CADPS: variants seen among roughly 807,000 people sequenced by gnomAD.
The protein encoded by CADPS is calcium-dependent secretion activator 1.
A neutral mutation model predicts 167.3 loss-of-function variants in CADPS; 57 were observed. The ratio of observed to expected loss-of-function variants is 0.34; its 90% CI spans 0.28 to 0.42. The LOEUF (loss-of-function observed/expected upper bound fraction) is 0.42, where lower values mean the gene tolerates loss of function less well. Ranked by LOEUF, CADPS falls within the 20% of genes least tolerant of loss-of-function variation. CADPS has a pLI of 1.00. For missense variants in CADPS, 1,414 were observed against 1,738.1 expected (o/e 0.81, Z 3.32); for synonymous variants, 676 against 635.3 (o/e 1.06, Z -0.96).
At position 62,570,855 on chromosome 3, in the gene CADPS, G is replaced by A. The variant is rs1478107130; in HGVS notation, c.1644+17C>T. The A allele has an allele frequency of 1.9e-6, 3 of 1,542,816 alleles. No homozygotes were observed. The Admixed American group carries it at 5.0e-5, about 26-fold the overall frequency. On this transcript the variant is annotated intron_variant, in intron 9 of 29. Coordinates refer to ENST00000383710, the MANE Select transcript of CADPS (RefSeq NM_003716.4). ...TCTTTAATACTGATGTCTCTTAAGA[G>A]TTGAAGAGTTAGTTACCTGCACCAA...
At chr3:62,766,660 A>G (rs992257150) in intron 1 of CADPS, among the ~76,000 whole-genome samples, 34 of 152,306 alleles carry the variant, frequency 2.2e-4, no homozygotes, top group Admixed American at 2.2e-3. Flanking sequence ...TTTGGGTACT[A>G]GGTTATGTAC....
intron 6 of CADPS, among the ~76,000 whole-genome samples, chr3:62,628,912 A>T (rs1180960811): frequency 2.0e-5 from 3 of 152,012 alleles, no homozygotes; most frequent in Admixed American, 2.0e-4. Flanking sequence ...GTCATGAACC[A>T]CCACGCCTGG....
At chr3:62,512,550 C>G (rs2068072442) in intron 17 of CADPS, among the ~76,000 whole-genome samples, 1 of 152,084 alleles carries the variant, frequency 6.6e-6, no homozygotes, top group South Asian at 2.1e-4. Context: ...TATGCCTTTT[C>G]AGAAATTCTG....
intron 4 of CADPS, 126 bp from the exon 5 acceptor site, chr3:62,651,206 T>C (rs1226970530): frequency 6.0e-6 from 4 of 669,178 alleles, no homozygotes; most frequent in Admixed American, 5.7e-5. Context: ...CCAGATCTCA[T>C]GGCCTTGTGC....
intron 3 of CADPS, among the ~76,000 whole-genome samples, chr3:62,716,187 G>A (rs1420090655): frequency 6.6e-6 from 1 of 152,136 alleles, no homozygotes; most frequent in African/African-American, 2.4e-5. Context: ...AGCCTCCCAA[G>A]TAGCTGGGAC....
chr3:62,629,959 G>GT (rs765290041), intron 6 of CADPS, among the ~76,000 whole-genome samples: 1 of 152,070 alleles, frequency 6.6e-6, no homozygotes, highest in Admixed American at 6.5e-5. Context: ...TCTCAAGGGA[G>GT]TTTTTCCCAT....
At position 62,643,680 on chromosome 3, in the gene CADPS, A is replaced by G. The variant is rs529818286; in HGVS notation, c.1325+2042T>C. Among the ~76,000 whole-genome samples the G allele has an allele frequency of 2.0e-5, 3 of 152,352 alleles. No individual in the cohort carries two copies. In the South Asian group the frequency reaches 6.2e-4, roughly 32 times the overall value. ...TCGAATGTTACAAACTATGTTTTGA[A>G]TTATAATAGCTCATATGAAACAACA... On this transcript the variant is annotated intron_variant, in intron 6 of 29. Transcript: ENST00000383710.
At chr3:62,794,532 A>G (rs2093228467) in intron 1 of CADPS, among the ~76,000 whole-genome samples, 1 of 152,318 alleles carries the variant, frequency 6.6e-6, no homozygotes, top group South Asian at 2.1e-4. Flanking sequence ...CAGAGCCCAC[A>G]TGTAAACCAT....
chr3:62,558,431 G>C (rs914660596), intron 9 of CADPS, among the ~76,000 whole-genome samples: 1 of 152,220 alleles, frequency 6.6e-6, no homozygotes, highest in South Asian at 2.1e-4. Flanking sequence ...CATCCTCCTA[G>C]CTTTGGGCTA....
chr3:62,838,335 T>C (rs912543667), intron 1 of CADPS, among the ~76,000 whole-genome samples: 12 of 152,228 alleles, frequency 7.9e-5, no homozygotes, highest in South Asian at 6.2e-4. Flanking sequence ...AAGGTAACTT[T>C]AGCAGTCAAA....
chr3:62,572,755 C>T (rs1350285882), intron 8 of CADPS, among the ~76,000 whole-genome samples: 1 of 152,156 alleles, frequency 6.6e-6, no homozygotes, highest in Non-Finnish European at 1.5e-5. Context: ...ACACTTGTCC[C>T]TCAGTATCTA....
chr3:62,418,737 C>A (rs1368923780), intron 28 of CADPS, among the ~76,000 whole-genome samples: 1 of 151,958 alleles, frequency 6.6e-6, no homozygotes, highest in Non-Finnish European at 1.5e-5. Flanking sequence ...CACCTTTGAA[C>A]TCAAGGTGCC....
At chr3:62,831,241 T>C (rs1419764582) in intron 1 of CADPS, among the ~76,000 whole-genome samples, 2 of 152,156 alleles carry the variant, frequency 1.3e-5, no homozygotes, top group Non-Finnish European at 2.9e-5. Context: ...TGAAAACTCT[T>C]CGAAGTAAAC....
chr3:62,766,481 A>G (rs1405905626), intron 1 of CADPS, among the ~76,000 whole-genome samples: 2 of 152,184 alleles, frequency 1.3e-5, no homozygotes, highest in African/African-American at 2.4e-5. Flanking sequence ...TAAACATGTA[A>G]CAGCAAACAC....
intron 6 of CADPS, among the ~76,000 whole-genome samples, chr3:62,612,064 T>G (rs2149314279): frequency 6.6e-6 from 1 of 152,348 alleles, no homozygotes; most frequent in South Asian, 2.1e-4. Flanking sequence ...CAAATATTTT[T>G]GAGTGAATCA....
intron 1 of CADPS, among the ~76,000 whole-genome samples, chr3:62,855,997 T>A (rs1403848396): frequency 6.6e-6 from 1 of 152,234 alleles, no homozygotes; most frequent in Non-Finnish European, 1.5e-5. Context: ...CAAAGACTAT[T>A]CTTTGTTTTC....
intron 28 of CADPS, among the ~76,000 whole-genome samples, chr3:62,435,823 G>A (rs2054901283): frequency 6.6e-6 from 1 of 152,078 alleles, no homozygotes; most frequent in African/African-American, 2.4e-5. Flanking sequence ...TTTCCACAAT[G>A]TTACTGATGC....
chr3:62,724,206 C>G (rs574787918), intron 3 of CADPS, among the ~76,000 whole-genome samples: 6 of 152,294 alleles, frequency 3.9e-5, no homozygotes, highest in African/African-American at 1.4e-4. Context: ...TCACCATGGG[C>G]TCTTTGGAGA....
chr3:62,406,636 G>A lies in CADPS; in HGVS notation c.3778-3451C>T, dbSNP rs141232765. On this transcript the variant is annotated intron_variant, in intron 28 of 29. Transcript: ENST00000383710. ...CCCTTTAATTCAAATATATTAATTT[G>A]AAACTTGCTAAATAAAGCTACTTTA... Among the ~76,000 whole-genome samples, 28 of 152,130 alleles carry A rather than the reference G, an allele frequency of 1.8e-4. No homozygotes were observed. The East Asian group carries it at 5.4e-3, about 29-fold the overall frequency.
Sources: gnomAD v4.1 joint callset for allele counts (sites outside exome capture counted in the v4.1 genomes callset) on GRCh38, gnomAD v4.1.1 for gene constraint, MANE v1.5 for transcripts, NCBI Gene and HGNC (gene_info 2026-07-23, HGNC 2026-07-21) for gene names.